FANCD2: variants seen among roughly 807,000 people sequenced by gnomAD.
FANCD2 encodes FA complementation group D2.
A neutral mutation model predicts 192.3 loss-of-function variants in FANCD2; 131 were observed. That is an observed-to-expected ratio of 0.68 (90% CI 0.59 to 0.79). The LOEUF is 0.79. Among genes scored for constraint, FANCD2 ranks in the 30% least tolerant of loss-of-function variants. FANCD2 has a pLI of 0.00. For synonymous variants in FANCD2, 524 were observed against 612.5 expected (o/e 0.86, Z 2.13); for missense variants, 1,508 against 1,701.6 (o/e 0.89, Z 2.00).
rs1195276009 is a variant in FANCD2, at chr3:10,048,049, C to T, written c.1411C>T (p.Gln471Ter). 1 of 1,614,244 alleles carries T rather than the reference C, an allele frequency of 6.2e-7. No homozygotes were observed. Among genetic ancestry groups the T allele is most frequent in the Non-Finnish European group, 8.5e-7 (1 of 1,180,042 alleles). ...AFKFFDTYCQ[Q>*]EVVGALVTHI... ...TAAGTTTTTTGACACGTACTGCCAGCAGGTATGTTGAAACATTTATTTTGG... is the reference window on the plus strand; with the variant it reads ...TAAGTTTTTTGACACGTACTGCCAGTAGGTATGTTGAAACATTTATTTTGG... Residue 471 changes from glutamine (Q) to a stop codon, truncating the protein, a stop_gained and splice_region_variant, in exon 16 of 44, where the codon CAG becomes TAG. Coordinates refer to ENST00000675286, the MANE Select transcript of FANCD2 (RefSeq NM_001018115.3). LOFTEE classifies it high-confidence loss of function.
At chr3:10,057,284 C>G (rs1411290574) in intron 18 of FANCD2, among the ~76,000 whole-genome samples, 1 of 152,016 alleles carries the variant, frequency 6.6e-6, no homozygotes, top group Non-Finnish European at 1.5e-5. Flanking sequence ...GTTTTCACTC[C>G]CTTGATAGTG....
Position 10,081,463 on chromosome 3 carries a change from T to C in FANCD2, c.3223T>C (p.Trp1075Arg). The C allele has an allele frequency of 6.2e-7, 1 of 1,601,346 alleles. No homozygotes were observed. The highest frequency in any genetic ancestry group is 8.6e-7 in the Non-Finnish European group (1 of 1,168,336). Residue 1075 changes from tryptophan to arginine, a missense_variant and splice_region_variant, in exon 32 of 44, where the codon TGG (tryptophan) becomes CGG (arginine). Physicochemically the swap from Trp to Arg is moderately radical, Grantham distance 101 (BLOSUM62 -3). Around this residue, in one of 5 missense-constraint regions of FANCD2, gnomAD observed 796 missense variants for 879.4 expected, o/e 0.91. Transcript: ENST00000675286. ...GCAGATTTTTCATGGGCTTTTTGCT[T>C]GGTAAGTATGTGGGAAGTGTGGAGA... ...LLQIFHGLFA[W>R]SGFSQPENQN...
intron 2 of FANCD2, among the ~76,000 whole-genome samples, chr3:10,030,764 G>T (rs527351820): frequency 6.6e-6 from 1 of 152,202 alleles, no homozygotes; most frequent in Non-Finnish European, 1.5e-5. Context: ...GCTGGGCGTG[G>T]TGTCACGTGT....
intron 32 of FANCD2, 79 bp downstream of exon 32, chr3:10,081,543 A>AAAAGAAAG: frequency 1.0e-6 from 1 of 986,846 alleles, no homozygotes; most frequent in Non-Finnish European, 1.6e-6. Flanking sequence ...TGAAATGTAG[A>AAAAGAAAG]AAAGAAAGAA....
rs759072117 is a variant in FANCD2 at position 10,035,240 on chromosome 3, CTG to C, written c.438+9_438+10del. ...GGGGATTGACATACTGCAGGTAAGA[CTG>C]TCACTTTTTCTGTGAACATTTGATG... On this transcript the variant is annotated splice_region_variant and intron_variant, in intron 6 of 43. Transcript: ENST00000675286. The C allele has an allele frequency of 1.8e-5, 29 of 1,611,410 alleles. 1 individual carries two copies. Among genetic ancestry groups the C allele is most frequent in the South Asian group, 3.3e-5 (3 of 91,014 alleles).
At position 10,039,917 on chromosome 3, in the gene FANCD2, G is replaced by A. The variant is rs764145888; in HGVS notation, c.695+72G>A. On this transcript the variant is annotated intron_variant, in intron 9 of 43. Transcript: ENST00000675286. ...GTTCTATCACTGCAGTATGCAAAGA[G>A]CAGTAGTAATATGGTCTCTTCTATC... is the stretch of plus-strand genomic sequence containing the variant. 6 of 1,575,972 alleles carry A rather than the reference G, an allele frequency of 3.8e-6. No homozygotes were observed. The African/African-American group carries it at 8.1e-5, about 21-fold the overall frequency.
At chr3:10,092,109 A>G (rs1694647636) in intron 37 of FANCD2, 72 bp from the exon 38 acceptor site, 2 of 1,040,240 alleles carry the variant, frequency 1.9e-6, no homozygotes, top group Admixed American at 3.4e-5. Context: ...CAAGAACTAT[A>G]TCTTAGTGGG....
chr3:10,086,959 A>G lies in FANCD2; in HGVS notation c.3336-175A>G, dbSNP rs528447846. Among the ~76,000 whole-genome samples, 8 of 152,296 alleles carry G rather than the reference A, an allele frequency of 5.3e-5. 1 individual carries two copies. In the South Asian group the frequency reaches 1.7e-3, roughly 32 times the overall value. On this transcript the variant is annotated intron_variant, in intron 33 of 43. Transcript: ENST00000675286. Reference sequence around the variant, plus strand: ...GCCCTGGCTTTTTCCATACAAAGGTATGGTTTTCTACCAAGATGCTTGAAG... The same window carrying G: ...GCCCTGGCTTTTTCCATACAAAGGTGTGGTTTTCTACCAAGATGCTTGAAG...
intron 17 of FANCD2, among the ~76,000 whole-genome samples, chr3:10,051,410 AAAAG>A (rs1559381153): frequency 0.036 from 1,109 of 30,738 alleles, 235 homozygotes; most frequent in African/African-American, 0.14. Flanking sequence ...AAAAAAAACA[AAAAG>A]GAGTGAGGGA....
rs751299928 is a variant in FANCD2 at position 10,074,670 on chromosome 3, T to C, written c.2856T>C (p.Thr952=). Residue 952 remains threonine, a synonymous_variant, in exon 29 of 44, where the codon ACT becomes ACC. Transcript: ENST00000675286. ...TCATCTTAGATACTGAAATGCACAC[T>C]GAAGTAAGTGACAGGCTAGGATCTC... ...TKFILDTEMH[T]EATEVVQLGP... is the part of the protein sequence containing the mutation. 3 of 1,613,670 alleles carry C rather than the reference T, an allele frequency of 1.9e-6. No individual in the cohort carries two copies. The highest frequency in any genetic ancestry group is 3.3e-5 in the Admixed American group (2 of 60,016).
At chr3:10,100,154 T>TG (rs1639108092) in intron 43 of FANCD2, among the ~76,000 whole-genome samples, 1 of 152,234 alleles carries the variant, frequency 6.6e-6, no homozygotes, top group African/African-American at 2.4e-5. Flanking sequence ...CACTCCAGCC[T>TG]GGATGACAGA....
At chr3:10,036,105 T>TTTTTTTTTTTTTTTTTTTTTTTTG (rs2086724568) in intron 6 of FANCD2, among the ~76,000 whole-genome samples, 182 bp from the exon 7 acceptor site, 1 of 146,788 alleles carries the variant, frequency 6.8e-6, no homozygotes, top group Non-Finnish European at 1.5e-5. Context: ...TTTTTTTTTT[T>TTTTTTTTTTTTTTTTTTTTTTTTG]GAGTCAGAGT....
chr3:10,042,770 G>C, intron 11 of FANCD2, 107 bp downstream of exon 11: 1 of 922,650 alleles, frequency 1.1e-6, no homozygotes. Context: ...ATAGCATTCA[G>C]AGGAGAGAAT....
intron 32 of FANCD2, among the ~76,000 whole-genome samples, chr3:10,085,582 G>A (rs1694141401): frequency 6.6e-6 from 1 of 151,770 alleles, no homozygotes; most frequent in Admixed American, 6.6e-5. Context: ...AGTAGAGACG[G>A]GATTTCACCG....
chr3:10,097,002 C>T (rs1243885528), intron 42 of FANCD2, among the ~76,000 whole-genome samples: 2 of 151,966 alleles, frequency 1.3e-5, no homozygotes, highest in Admixed American at 6.6e-5. Context: ...GCTGGGCGTC[C>T]GGGGGAGACA....
rs34936017 is a variant in FANCD2 at position 10,039,727 on chromosome 3, A to G, written c.577A>G (p.Thr193Ala). 2.7e-3 allele frequency: 4,337 copies of G among 1,614,062 alleles called. 106 individuals are homozygous for G. The South Asian group carries it at 0.036, about 13-fold the overall frequency. The change falls in exon 9 of 44, where the codon ACC becomes GCC. Residue 193 changes from threonine to alanine, a missense_variant. Coordinates refer to ENST00000675286, the MANE Select transcript of FANCD2 (RefSeq NM_001018115.3). ...LDRVVDGKDL[T>A]TKIMQLISIA... Reference sequence around the variant, plus strand: ...ATAGTGTCTTCTACTGCAGGACCTCACCACCAAGATCATGCAGCTGATCAG... The same window carrying G: ...ATAGTGTCTTCTACTGCAGGACCTCGCCACCAAGATCATGCAGCTGATCAG...
chr3:10,094,371 C>T lies in FANCD2; in HGVS notation c.3963+8C>T, dbSNP rs201623111. 3.4e-5 allele frequency: 55 copies of T among 1,610,432 alleles called. No individual in the cohort carries two copies. The Middle Eastern group carries it at 9.9e-4, about 29-fold the overall frequency. On this transcript the variant is annotated splice_region_variant and intron_variant, in intron 40 of 43. Coordinates refer to ENST00000675286, the MANE Select transcript of FANCD2 (RefSeq NM_001018115.3). ...AGTTTTAGAAAACACCGGGTAAGAG[C>T]TAAGAGCAGAGAACAAAGATATGCA...
At chr3:10,082,467 T>A (rs762740358) in intron 32 of FANCD2, among the ~76,000 whole-genome samples, 2 of 152,180 alleles carry the variant, frequency 1.3e-5, no homozygotes. Context: ...GATTTCTGAT[T>A]GCTCTTAGAT....
chr3:10,034,864 G>A, intron 5 of FANCD2, 66 bp downstream of exon 5: 2 of 1,131,068 alleles, frequency 1.8e-6, no homozygotes, highest in South Asian at 2.6e-5. Context: ...TGGGGCTGGG[G>A]AGGGAGAGCA....
Sources: gnomAD v4.1 joint callset for allele counts (sites outside exome capture counted in the v4.1 genomes callset) on GRCh38, gnomAD v4.1.1 for gene constraint, gnomAD v4.1.1 regional missense constraint, MANE v1.5 for transcripts, NCBI Gene and HGNC (gene_info 2026-07-23, HGNC 2026-07-21) for gene names.